Variants in RAP1GAP2 observed in about 807,000 individuals in gnomAD.
The protein encoded by RAP1GAP2 is rap1 GTPase-activating protein 2.
In RAP1GAP2, 27 loss-of-function variants were observed where a neutral mutation model predicts 95.0. The ratio of observed to expected loss-of-function variants is 0.28; its 90% CI spans 0.21 to 0.39. The LOEUF is 0.39. RAP1GAP2 is among the 10% of genes least tolerant of loss of function. The pLI, the probability that RAP1GAP2 is intolerant of heterozygous loss-of-function variation, is 1.00. For missense variants in RAP1GAP2, 771 were observed against 970.0 expected (o/e 0.79, Z 2.72); for synonymous variants, 373 against 380.9 (o/e 0.98, Z 0.24).
intron 1 of RAP1GAP2, among the ~76,000 whole-genome samples, chr17:2,755,971 G>A (rs944398209): frequency 1.3e-5 from 2 of 151,982 alleles, no homozygotes; most frequent in Non-Finnish European, 2.9e-5. Flanking sequence ...GGGTCTCTGC[G>A]GCTCTCCAAA....
intron 17 of RAP1GAP2, among the ~76,000 whole-genome samples, chr17:3,015,557 G>A (rs772246246): frequency 1.5e-4 from 23 of 152,136 alleles, no homozygotes; most frequent in Non-Finnish European, 2.5e-4. Flanking sequence ...GGTGGCTCAC[G>A]CTTGTAATCC....
chr17:2,921,065 C>T (rs199637770), intron 3 of RAP1GAP2, among the ~76,000 whole-genome samples: 6 of 152,266 alleles, frequency 3.9e-5, no homozygotes, highest in East Asian at 1.9e-4. Context: ...GGAGCCCCCC[C>T]GGCAGACTCT....
At chr17:2,848,350 G>A (rs540033483) in intron 2 of RAP1GAP2, among the ~76,000 whole-genome samples, 85 of 152,224 alleles carry the variant, frequency 5.6e-4, no homozygotes, top group African/African-American at 1.9e-3. Context: ...TGAGGCCTCC[G>A]AGTCCTGGCC....
In RAP1GAP2 at chr17:3,004,204, AGAAATCACGTCAGCC is replaced by A. The variant is rs1201790446; in HGVS notation, c.1201-1161_1201-1147del. 2.3e-4 allele frequency among the ~76,000 whole-genome samples: 35 copies of A among 152,238 alleles called. No individual in the cohort carries two copies. The highest frequency in any genetic ancestry group is 8.2e-4 in the African/African-American group (34 of 41,462). ...CGGGTTCAGCTGCTGGAGCCCAGCCAGAAATCACGTCAGCCGAACGCGCACCATTTCCTGACTCGG... is the reference window on the plus strand; with the variant it reads ...CGGGTTCAGCTGCTGGAGCCCAGCCAGAACGCGCACCATTTCCTGACTCGG... On this transcript the variant is annotated intron_variant, in intron 14 of 24. Transcript: ENST00000254695. This position sits in a 1 kb window ranked among gnomAD's most constrained non-coding sequence, Gnocchi z 4.1.
intron 19 of RAP1GAP2, among the ~76,000 whole-genome samples, chr17:3,025,146 A>C (rs2047066939): frequency 6.6e-6 from 1 of 152,202 alleles, no homozygotes; most frequent in Non-Finnish European, 1.5e-5. Flanking sequence ...GGAGCCCGAT[A>C]CAGGCAGATG....
At chr17:3,017,943 G>GTGTGTGTA (rs2046827984) in intron 17 of RAP1GAP2, 118 bp from the exon 18 acceptor site, 3 of 847,440 alleles carry the variant, frequency 3.5e-6, no homozygotes, top group East Asian at 2.9e-5. Context: ...GTGTGTGTGT[G>GTGTGTGTA]TGTGTATGTG....
At chr17:2,764,550 G>A (rs1354454683) in intron 1 of RAP1GAP2, among the ~76,000 whole-genome samples, 1 of 151,820 alleles carries the variant, frequency 6.6e-6, no homozygotes, top group African/African-American at 2.4e-5. Flanking sequence ...GTGAAACCCC[G>A]TCTCTACTAA....
At chr17:2,896,425 C>G (rs1003827839) in intron 2 of RAP1GAP2, among the ~76,000 whole-genome samples, 1 of 152,124 alleles carries the variant, frequency 6.6e-6, no homozygotes, top group Admixed American at 6.5e-5. Flanking sequence ...GAAGGAGCAC[C>G]GGAATGGGAG....
At chr17:2,874,727 A>T (rs946481374) in intron 2 of RAP1GAP2, among the ~76,000 whole-genome samples, 1 of 152,096 alleles carries the variant, frequency 6.6e-6, no homozygotes, top group African/African-American at 2.4e-5. Context: ...AAAAGCCCCA[A>T]ACCCTTGAAA....
In RAP1GAP2 at chr17:2,904,698, A is replaced by G. The variant is rs1315867272; in HGVS notation, c.81-586A>G. On this transcript the variant is annotated intron_variant, in intron 2 of 24. Transcript: ENST00000254695. The surrounding 1 kb of genome is among the most constrained non-coding windows in gnomAD (Gnocchi z 4.7). ...TGCCGTGTAGCAGAATGACCTGGAGAGCTCGTTGGAGCGCAGGTTCCTGGG... is the reference window on the plus strand; with the variant it reads ...TGCCGTGTAGCAGAATGACCTGGAGGGCTCGTTGGAGCGCAGGTTCCTGGG... 6.6e-6 allele frequency among the ~76,000 whole-genome samples: 1 copy of G among 151,964 alleles called. No individual in the cohort carries two copies. The highest frequency in any genetic ancestry group is 6.6e-5 in the Admixed American group (1 of 15,258).
At chr17:2,815,808 G>A (rs1361842004) in intron 2 of RAP1GAP2, among the ~76,000 whole-genome samples, 1 of 152,232 alleles carries the variant, frequency 6.6e-6, no homozygotes, top group Non-Finnish European at 1.5e-5. Flanking sequence ...CAACAGTCCT[G>A]GGCTGTGCGG....
At chr17:2,887,741 C>G (rs2073549633) in intron 2 of RAP1GAP2, among the ~76,000 whole-genome samples, 1 of 149,380 alleles carries the variant, frequency 6.7e-6, no homozygotes, top group Non-Finnish European at 1.5e-5. Context: ...GTGATGCAAT[C>G]TCAGCTCACT....
chr17:2,950,061 C>CTTCTTCTTATTT (rs1555575129), intron 3 of RAP1GAP2, among the ~76,000 whole-genome samples: 1 of 141,260 alleles, frequency 7.1e-6, no homozygotes, highest in African/African-American at 2.7e-5. Context: ...TCTTCTTCTT[C>CTTCTTCTTATTT]TTTTTTTTTT....
chr17:2,848,911 C>T (rs1234001811), intron 2 of RAP1GAP2, among the ~76,000 whole-genome samples: 1 of 152,202 alleles, frequency 6.6e-6, no homozygotes, highest in Admixed American at 6.5e-5. Context: ...CTTCCCCCTC[C>T]TCTGTCTTCC....
rs749956509 is a variant in RAP1GAP2, at chr17:2,998,341, G to T, written c.1165G>T (p.Val389Phe). Residue 389 changes from valine to phenylalanine, a missense_variant, in exon 14 of 25, where the codon GTC becomes TTC. Transcript: ENST00000254695. Reference protein sequence around the residue: ...NFLHAYIVVQVETPGTETPSY... With the variant: ...NFLHAYIVVQFETPGTETPSY... ...CTTACATGCCTACATCGTCGTGCAG[G>T]TCGAGACCCCAGGCACAGAGACCCC... The T allele has an allele frequency of 1.2e-6, 2 of 1,614,012 alleles. No homozygotes were observed. The highest frequency in any genetic ancestry group is 2.2e-5 in the South Asian group (2 of 91,076).
At chr17:2,818,515 A>G (rs561580202) in intron 2 of RAP1GAP2, among the ~76,000 whole-genome samples, 1 of 151,722 alleles carries the variant, frequency 6.6e-6, no homozygotes, top group South Asian at 2.1e-4. Context: ...TTTAGTAGAG[A>G]TGGGGTTTCA....
In RAP1GAP2 at chr17:3,007,053, G is replaced by T. The variant is rs2046365649; in HGVS notation, c.1360-958G>T. On this transcript the variant is annotated intron_variant, in intron 16 of 24. Coordinates refer to ENST00000254695, the MANE Select transcript of RAP1GAP2 (RefSeq NM_015085.5). ...CCTTCTGCCAGGAGGAAAGAGTGGG[G>T]AAGGGAGGGCTGATCTGGCATGGTA... is the stretch of plus-strand genomic sequence containing the variant. Among the ~76,000 whole-genome samples, 3 of 152,050 alleles carry T rather than the reference G, an allele frequency of 2.0e-5. No individual in the cohort carries two copies. The South Asian group carries it at 6.2e-4, about 31-fold the overall frequency.
rs34468461 is a variant in RAP1GAP2, at chr17:2,969,496, C to CTTTTTTTTTTTTTTTTTTTT, written c.596+3857_596+3876dup. On this transcript the variant is annotated intron_variant, in intron 8 of 24. Coordinates refer to ENST00000254695, the MANE Select transcript of RAP1GAP2 (RefSeq NM_015085.5). Reference sequence around the variant, plus strand: ...GTAAAGATGTGTAAATATATATATTCTTTTTTTTTTTTTTTTTTTTTTTGA... The same window carrying CTTTTTTTTTTTTTTTTTTTT: ...GTAAAGATGTGTAAATATATATATTCTTTTTTTTTTTTTTTTTTTTTTTTTTTTTTTTTTTTTTTTTTTGA... Among the ~76,000 whole-genome samples, 7 of 83,776 alleles carry CTTTTTTTTTTTTTTTTTTTT rather than the reference C, an allele frequency of 8.4e-5. 1 individual carries two copies. Among genetic ancestry groups the CTTTTTTTTTTTTTTTTTTTT allele is most frequent in the African/African-American group, 3.2e-4 (7 of 21,938 alleles). The allele number at this position is 83,776 out of a possible 152,430, so 55.0% of individuals were successfully genotyped here. A position where few individuals can be genotyped will look rare whatever the true frequency, so the allele number is the denominator to read the frequency against.
intron 1 of RAP1GAP2, among the ~76,000 whole-genome samples, chr17:2,780,036 A>G (rs894938808): frequency 5.3e-5 from 8 of 152,090 alleles, no homozygotes; most frequent in African/African-American, 1.9e-4. Context: ...TTCGTGGTAC[A>G]GCATCCACAA....
Sources: allele counts gnomAD v4.1 joint callset (sites outside exome capture counted in the v4.1 genomes callset), GRCh38; gene constraint gnomAD v4.1.1; non-coding constraint Gnocchi (gnomAD v3.1); transcripts MANE v1.5; gene names NCBI Gene and HGNC (gene_info 2026-07-23, HGNC 2026-07-21).